The following VPS13B variants were observed in gnomAD, a reference collection of about 807,000 sequenced individuals.
VPS13B encodes the protein vacuolar protein sorting 13 homolog B, also known as intermembrane lipid transfer protein VPS13B.
In VPS13B, 285 loss-of-function variants were observed where a neutral mutation model predicts 426.4. The ratio of observed to expected loss-of-function variants is 0.67; its 90% confidence interval spans 0.61 to 0.74. The LOEUF (loss-of-function observed/expected upper bound fraction) is 0.74. VPS13B is among the 30% of genes least tolerant of loss of function. The probability of loss-of-function intolerance (pLI) is 0.00; values close to 1 mark genes in which losing one functional copy is unlikely to be tolerated. For synonymous variants in VPS13B, 1,676 were observed against 1,676.4 expected, an observed-to-expected ratio of 1.00 and a Z score of 0.01; for missense variants, 4,537 against 4,782.6, an observed-to-expected ratio of 0.95 and a Z score of 1.51.
At chr8:99,440,048 T>A (rs1194244577) in intron 22 of VPS13B, among the ~76,000 whole-genome samples, 2 of 152,174 alleles carry the variant, frequency 1.3e-5, no homozygotes, top group African/African-American at 4.8e-5. Flanking sequence ...CTTGACCTAG[T>A]AGGAATCAAA....
chr8:99,812,322 G>A (rs921313), intron 44 of VPS13B, among the ~76,000 whole-genome samples: 15,892 of 152,118 alleles, frequency 0.1, 1,624 homozygotes, highest in African/African-American at 0.27. Context: ...TGGCAAGGTT[G>A]GGAAGGAAGA....
At chr8:99,172,864 A>AACACAGCAGTAC (rs1393246138) in intron 16 of VPS13B, among the ~76,000 whole-genome samples, 1 of 152,114 alleles carries the variant, frequency 6.6e-6, no homozygotes, top group African/African-American at 2.4e-5. Flanking sequence ...GTACTGCTTG[A>AACACAGCAGTAC]ACATTTTATT....
chr8:99,867,483 TGA>T (rs1296272024), intron 58 of VPS13B, among the ~76,000 whole-genome samples: 1 of 152,004 alleles, frequency 6.6e-6, no homozygotes, highest in African/African-American at 2.4e-5. Context: ...TCAATTCCAG[TGA>T]GAGAGAAAGG....
At position 99,195,396 on chromosome 8, in the gene VPS13B, G is replaced by T. The variant is rs534724006; in HGVS notation, c.2515+2339G>T. Among the ~76,000 whole-genome samples, 17 of 152,252 alleles carry T rather than the reference G, an allele frequency of 1.1e-4. 1 individual carries two copies. In the South Asian group the frequency reaches 2.9e-3, roughly 26 times the overall value. ...ATTTGTCATCTTTTGAGAAATGTCT[G>T]TTCAGGTCCTGTGCCCATTTTAAAA... On this transcript the variant is annotated intron_variant, in intron 17 of 61. Coordinates refer to ENST00000357162, the MANE Select transcript of VPS13B (RefSeq NM_152564.5).
At chr8:99,630,053 T>C (rs1828776981) in intron 33 of VPS13B, among the ~76,000 whole-genome samples, 1 of 152,176 alleles carries the variant, frequency 6.6e-6, no homozygotes, top group South Asian at 2.1e-4. Context: ...TAGGTGCAGA[T>C]CACTAAGTCC....
intron 34 of VPS13B, among the ~76,000 whole-genome samples, chr8:99,653,850 CATCACATCTT>C (rs1046727921): frequency 2.0e-5 from 3 of 151,934 alleles, no homozygotes; most frequent in African/African-American, 7.3e-5. Flanking sequence ...TTGCCCTTCC[CATCACATCTT>C]ACGAGGTGCA....
intron 19 of VPS13B, among the ~76,000 whole-genome samples, chr8:99,368,437 A>G (rs1395466806): frequency 6.6e-6 from 1 of 152,178 alleles, no homozygotes; most frequent in Non-Finnish European, 1.5e-5. Context: ...TACCATCTTC[A>G]TCTTTCTCTT....
At chr8:99,428,060 G>A (rs1816832646) in intron 21 of VPS13B, among the ~76,000 whole-genome samples, 1 of 152,142 alleles carries the variant, frequency 6.6e-6, no homozygotes, top group Non-Finnish European at 1.5e-5. Context: ...TTAATAAATG[G>A]TGCTGGGAAT....
intron 35 of VPS13B, chr8:99,696,836 G>A: frequency 8.7e-7 from 1 of 1,143,974 alleles, no homozygotes; most frequent in South Asian, 1.2e-5. Context: ...GCAGCTGGTG[G>A]CGCCGTGCAA....
At chr8:99,350,416 A>G (rs1811816290) in intron 19 of VPS13B, among the ~76,000 whole-genome samples, 1 of 152,208 alleles carries the variant, frequency 6.6e-6, no homozygotes, top group South Asian at 2.1e-4. Context: ...TATGATGAGT[A>G]AATGTATGCA....
chr8:99,660,600 G>A lies in VPS13B; in HGVS notation c.5909-754G>A, dbSNP rs996530629. Among the ~76,000 whole-genome samples, 4 of 151,096 alleles carry A rather than the reference G, an allele frequency of 2.6e-5. No homozygotes were observed. The East Asian group carries it at 8.0e-4, about 30-fold the overall frequency. On this transcript the variant is annotated intron_variant, in intron 34 of 61. Transcript: ENST00000357162. The stretch of plus-strand genomic sequence containing the variant: ...GATACAGCAGTCGTTTTTATTTAAA[G>A]AGCTATTTCAATAAAAGCTGTGGAT...
At chr8:99,799,505 T>C (rs1813019531) in intron 43 of VPS13B, among the ~76,000 whole-genome samples, 1 of 152,220 alleles carries the variant, frequency 6.6e-6, no homozygotes, top group Non-Finnish European at 1.5e-5. Flanking sequence ...TGAAATACTT[T>C]ATTTAACCTT....
chr8:99,751,001 T>C (rs1197143093), intron 39 of VPS13B, among the ~76,000 whole-genome samples: 3 of 152,098 alleles, frequency 2.0e-5, no homozygotes, highest in Non-Finnish European at 4.4e-5. Context: ...AATTGGGGCC[T>C]AATTCCTTAG....
rs34461801 is a variant in VPS13B at position 99,300,880 on chromosome 8, G to GTT, written c.2824+25644_2824+25645dup. Among the ~76,000 whole-genome samples the GTT allele has an allele frequency of 4.6e-3, 573 of 123,708 alleles. 4 individuals carry two copies. Among genetic ancestry groups the GTT allele is most frequent in the Non-Finnish European group, 5.1e-3 (301 of 58,502 alleles). 81.2% of individuals were successfully genotyped at this position (123,708 alleles called of 152,430 possible). A position where few individuals can be genotyped will look rare whatever the true frequency, so the allele number is the denominator to read the frequency against. Reference sequence around the variant, plus strand: ...GGAAAAAATCAGATTATTTAATATAGTTTTTTTTTTTTTTTTTTTGGTAAA... The same window carrying GTT: ...GGAAAAAATCAGATTATTTAATATAGTTTTTTTTTTTTTTTTTTTTTGGTAAA... On this transcript the variant is annotated intron_variant, in intron 19 of 61. Coordinates refer to ENST00000357162, the MANE Select transcript of VPS13B (RefSeq NM_152564.5).
intron 39 of VPS13B, among the ~76,000 whole-genome samples, chr8:99,731,805 A>G (rs965664163): frequency 6.6e-6 from 1 of 152,232 alleles, no homozygotes; most frequent in Non-Finnish European, 1.5e-5. Flanking sequence ...ATGTGTGGCA[A>G]AAGCATTCAC....
chr8:99,707,166 G>A (rs907604199), intron 36 of VPS13B, among the ~76,000 whole-genome samples: 1 of 152,136 alleles, frequency 6.6e-6, no homozygotes, highest in African/African-American at 2.4e-5. Flanking sequence ...ACTAATAGCA[G>A]TAGTTTGTAT....
chr8:99,215,831 C>A (rs1014438880), intron 17 of VPS13B, among the ~76,000 whole-genome samples: 9 of 152,146 alleles, frequency 5.9e-5, no homozygotes, highest in Non-Finnish European at 1.2e-4. Context: ...CTCCACATAG[C>A]AAACCACTCT....
chr8:99,852,923 G>C (rs1349564235), intron 55 of VPS13B, among the ~76,000 whole-genome samples: 1 of 152,112 alleles, frequency 6.6e-6, no homozygotes, highest in Non-Finnish European at 1.5e-5. Flanking sequence ...GAGTAGGTGA[G>C]AGCAGAGTGA....
At chr8:99,435,958 TGGTTTTCAA>T (rs1817349186) in intron 22 of VPS13B, among the ~76,000 whole-genome samples, 1 of 152,196 alleles carries the variant, frequency 6.6e-6, no homozygotes, top group African/African-American at 2.4e-5. Context: ...TATCTGCAGA[TGGTTTTCAA>T]ACCAGGAGAA....
Sources: gnomAD v4.1 joint callset for allele counts (sites outside exome capture counted in the v4.1 genomes callset) on GRCh38, gnomAD v4.1.1 for gene constraint, MANE v1.5 for transcripts, NCBI Gene and HGNC (gene_info 2026-07-23, HGNC 2026-07-21) for gene names.